The following DOCK4 variants were observed in gnomAD, a reference collection of about 807,000 sequenced individuals.
The protein encoded by DOCK4 is dedicator of cytokinesis 4, also known as dedicator of cytokinesis protein 4.
DOCK4 carries 97 observed loss-of-function variants against 268.1 expected under a neutral mutation model. The observed-to-expected ratio is 0.36, with a 90% CI of 0.31 to 0.43. DOCK4 has a LOEUF of 0.43. Among genes scored for constraint, DOCK4 ranks in the 20% least tolerant of loss-of-function variants. The pLI is 1.00. For missense variants in DOCK4, 2,145 were observed against 2,455.7 expected (o/e 0.87, Z 2.67); for synonymous variants, 954 against 887.2 (o/e 1.08, Z -1.34).
chr7:112,030,565 C>T (rs1477994687), intron 1 of DOCK4, among the ~76,000 whole-genome samples: 2 of 152,118 alleles, frequency 1.3e-5, no homozygotes, highest in South Asian at 2.1e-4. Context: ...ACAGGCCCCA[C>T]ACATTCTACA....
intron 12 of DOCK4, among the ~76,000 whole-genome samples, chr7:111,925,721 G>A (rs1417145202): frequency 6.6e-6 from 1 of 152,122 alleles, no homozygotes; most frequent in Non-Finnish European, 1.5e-5. Flanking sequence ...CGCTATTAAT[G>A]TTGCCACTGC....
rs760072125 is a variant in DOCK4 at position 111,783,965 on chromosome 7, G to A, written c.3429-13C>T. 1 of 1,589,368 alleles carries A rather than the reference G, an allele frequency of 6.3e-7. No homozygotes were observed. The highest frequency in any genetic ancestry group is 1.8e-5 in the Admixed American group (1 of 56,474). ...TTTCTTTAGTAGACTGGAAAAGAAA[G>A]AACCCGGGGCATTTTCAACATTTAT... On this transcript the variant is annotated splice_polypyrimidine_tract_variant and intron_variant, in intron 33 of 52. Transcript: ENST00000428084.
chr7:111,922,597 T>C (rs1209003530), intron 12 of DOCK4, among the ~76,000 whole-genome samples: 1 of 152,228 alleles, frequency 6.6e-6, no homozygotes, highest in Non-Finnish European at 1.5e-5. Context: ...AGTTCTTTTT[T>C]TTCAGATGGA....
intron 1 of DOCK4, among the ~76,000 whole-genome samples, chr7:112,179,593 C>T (rs1467146617): frequency 1.3e-5 from 2 of 151,554 alleles, no homozygotes; most frequent in African/African-American, 4.9e-5. Flanking sequence ...GCCTGGCGCT[C>T]AAAGAATCCC....
At chr7:112,047,385 G>GA (rs1156958926) in intron 1 of DOCK4, among the ~76,000 whole-genome samples, 1 of 152,062 alleles carries the variant, frequency 6.6e-6, no homozygotes, top group Non-Finnish European at 1.5e-5. Flanking sequence ...TTTGTATGAA[G>GA]AAAAATCAAC....
At chr7:112,164,561 C>G (rs576365189) in intron 1 of DOCK4, among the ~76,000 whole-genome samples, 1 of 152,002 alleles carries the variant, frequency 6.6e-6, no homozygotes, top group African/African-American at 2.4e-5. Flanking sequence ...ATACTCTATA[C>G]ACACACACAC....
intron 1 of DOCK4, among the ~76,000 whole-genome samples, chr7:112,041,474 T>C (rs1366952974): frequency 6.6e-6 from 1 of 152,172 alleles, no homozygotes; most frequent in East Asian, 1.9e-4. Flanking sequence ...TTTGACAAAC[T>C]CACCATTCCA....
chr7:111,948,082 A>C (rs1795761982), intron 8 of DOCK4, among the ~76,000 whole-genome samples: 2 of 152,202 alleles, frequency 1.3e-5, no homozygotes, highest in Non-Finnish European at 2.9e-5. Context: ...ATCTTGGGAC[A>C]AAGGAATTAT....
At chr7:111,783,320 T>C (rs1018451500) in intron 34 of DOCK4, among the ~76,000 whole-genome samples, 2 of 152,136 alleles carry the variant, frequency 1.3e-5, no homozygotes, top group African/African-American at 2.4e-5. Flanking sequence ...AGGGTTTCAT[T>C]CCTAAAATAA....
chr7:111,922,452 TG>T (rs1490041397), intron 12 of DOCK4, among the ~76,000 whole-genome samples: 1 of 152,228 alleles, frequency 6.6e-6, no homozygotes, highest in Non-Finnish European at 1.5e-5. Flanking sequence ...TCTGGGAACT[TG>T]GATCTTTTAA....
At position 112,206,282 on chromosome 7, in the gene DOCK4, C is replaced by G. The variant is rs1334955168; in HGVS notation, c.-144G>C. 5.7e-6 allele frequency: 5 copies of G among 879,340 alleles called. No homozygotes were observed. In the Admixed American group the frequency reaches 1.1e-4, roughly 19 times the overall value. The allele number at this position is 879,340 out of a possible 1,614,324, so 54.5% of individuals were successfully genotyped here. A position where few individuals can be genotyped will look rare whatever the true frequency, so the allele number is the denominator to read the frequency against. On this transcript the variant is annotated 5_prime_UTR_variant, in exon 1 of 53. Transcript: ENST00000428084. ...CTGCGGGCGCTGGGCAGGATCTGCG[C>G]TGGAGGCTCCCGAGCCCAGCGTTGA... is the stretch of plus-strand genomic sequence containing the variant.
At chr7:112,021,562 C>G (rs532716519) in intron 1 of DOCK4, among the ~76,000 whole-genome samples, 8 of 152,198 alleles carry the variant, frequency 5.3e-5, no homozygotes, top group Non-Finnish European at 8.8e-5. Context: ...CAGATGGGTC[C>G]GCTCCATGAA....
At chr7:112,005,849 A>T (rs1291114933) in intron 1 of DOCK4, among the ~76,000 whole-genome samples, 2 of 152,130 alleles carry the variant, frequency 1.3e-5, no homozygotes, top group Non-Finnish European at 1.5e-5. Flanking sequence ...TGAACACAGC[A>T]GTACTACTAA....
intron 25 of DOCK4, among the ~76,000 whole-genome samples, chr7:111,835,889 CTGTT>C (rs1223840321): frequency 6.6e-6 from 1 of 152,156 alleles, no homozygotes; most frequent in East Asian, 1.9e-4. Flanking sequence ...GGCTAGATCT[CTGTT>C]TGCAGATAAT....
intron 1 of DOCK4, among the ~76,000 whole-genome samples, chr7:112,059,451 A>T (rs1304588404): frequency 2.6e-5 from 4 of 151,980 alleles, no homozygotes; most frequent in African/African-American, 7.2e-5. Context: ...GCGTTTCCAA[A>T]TTTTTTAAAT....
chr7:111,907,879 C>T (rs1302139841), intron 13 of DOCK4, among the ~76,000 whole-genome samples: 1 of 152,078 alleles, frequency 6.6e-6, no homozygotes, highest in Non-Finnish European at 1.5e-5. Context: ...CAGGCGCACG[C>T]CACCATGCCT....
chr7:112,189,739 G>GGGTT (rs1819762547), intron 1 of DOCK4, among the ~76,000 whole-genome samples: 1 of 125,040 alleles, frequency 8.0e-6, no homozygotes, highest in Non-Finnish European at 1.6e-5. Context: ...TTCTCTGTCT[G>GGGTT]GGTTTTGTTT....
intron 22 of DOCK4, 83 bp from the exon 23 acceptor site, chr7:111,863,647 G>A (rs1411500331): frequency 4.6e-5 from 62 of 1,360,722 alleles, no homozygotes; most frequent in Middle Eastern, 3.7e-4. Context: ...TTTAAGGACC[G>A]TGGCAAGTGT....
chr7:112,066,695 A>ATGTGTGTG (rs1563052170), intron 1 of DOCK4, among the ~76,000 whole-genome samples: 1 of 11,728 alleles, frequency 8.5e-5, no homozygotes, highest in African/African-American at 1.9e-4. Flanking sequence ...ATATACATAT[A>ATGTGTGTG]TATATATATA....
Sources: allele counts gnomAD v4.1 joint callset (sites outside exome capture counted in the v4.1 genomes callset), GRCh38; gene constraint gnomAD v4.1.1; transcripts MANE v1.5; gene names NCBI Gene and HGNC (gene_info 2026-07-23, HGNC 2026-07-21).